SPOCK3: variants seen among roughly 807,000 people sequenced by gnomAD.
SPOCK3 encodes testican-3.
Under a neutral mutation model 56.6 loss-of-function variants are expected in SPOCK3, and 30 were observed. That is an observed-to-expected ratio of 0.53 (90% CI 0.40 to 0.72). The LOEUF (loss-of-function observed/expected upper bound fraction) is 0.72. SPOCK3 is among the 30% of genes least tolerant of loss of function. The pLI is 0.00. For synonymous variants in SPOCK3, 196 were observed against 183.3 expected (o/e 1.07, Z -0.56); for missense variants, 527 against 530.0 (o/e 0.99, Z 0.06).
intron 4 of SPOCK3, among the ~76,000 whole-genome samples, chr4:166,969,316 A>G (rs1418697085): frequency 6.6e-6 from 1 of 152,030 alleles, no homozygotes. Context: ...GAGTTTTTGG[A>G]GGGGCCAGTG....
At position 167,083,369 on chromosome 4, in the gene SPOCK3, G is replaced by A. The variant is rs537901084; in HGVS notation, c.190-20832C>T. ...ATTCTCTCTTGCTGCAGTGAATAAC[G>A]AATTCAACTTGCTCAACTCTAAGTG... On this transcript the variant is annotated intron_variant, in intron 2 of 10. Transcript: ENST00000357545. 6.8e-4 allele frequency: 516 copies of A among 757,958 alleles called. 2 individuals carry two copies. Among genetic ancestry groups the A allele is most frequent in the Non-Finnish European group, 2.7e-4 (112 of 412,404 alleles). The allele number at this position is 757,958 out of a possible 1,614,324, so 47.0% of individuals were successfully genotyped here.
At chr4:167,213,303 C>T (rs996362696) in intron 2 of SPOCK3, among the ~76,000 whole-genome samples, 1 of 152,106 alleles carries the variant, frequency 6.6e-6, no homozygotes, top group Non-Finnish European at 1.5e-5. Flanking sequence ...TTCTGTGTTA[C>T]GTGGAGCCAG....
At chr4:166,785,780 T>C (rs187544795) in intron 7 of SPOCK3, among the ~76,000 whole-genome samples, 11 of 152,286 alleles carry the variant, frequency 7.2e-5, no homozygotes, top group Admixed American at 7.2e-4. Context: ...CTTGCCCTTT[T>C]GGAAACTATG....
At chr4:166,877,117 G>A (rs1733178335) in intron 6 of SPOCK3, among the ~76,000 whole-genome samples, 1 of 152,036 alleles carries the variant, frequency 6.6e-6, no homozygotes, top group Non-Finnish European at 1.5e-5. Context: ...AATAAAACAG[G>A]ATTTAAAGGG....
intron 4 of SPOCK3, among the ~76,000 whole-genome samples, chr4:166,941,034 T>A: frequency 6.6e-6 from 1 of 152,014 alleles, no homozygotes; most frequent in East Asian, 2.0e-4. Flanking sequence ...GCACTTCTTT[T>A]GCTGTGCATC....
chr4:166,740,966 AT>A (rs1451376565), intron 9 of SPOCK3, among the ~76,000 whole-genome samples: 2 of 152,186 alleles, frequency 1.3e-5, no homozygotes, highest in Non-Finnish European at 2.9e-5. Context: ...TAAACTTTTA[AT>A]TTTGTACAAT....
At chr4:167,083,090 C>G (rs1757870494) in intron 2 of SPOCK3, 1 of 719,324 alleles carries the variant, frequency 1.4e-6, no homozygotes, top group Non-Finnish European at 2.5e-6. Context: ...ACCAAAGAGC[C>G]CCCCTCACAC....
At chr4:166,820,012 T>G (rs1263880858) in intron 6 of SPOCK3, among the ~76,000 whole-genome samples, 1 of 152,018 alleles carries the variant, frequency 6.6e-6, no homozygotes, top group African/African-American at 2.4e-5. Flanking sequence ...CATTAGCCAC[T>G]GTGCCCAGCC....
intron 6 of SPOCK3, among the ~76,000 whole-genome samples, chr4:166,841,162 T>A (rs1184566968): frequency 6.6e-6 from 1 of 152,094 alleles, no homozygotes; most frequent in Non-Finnish European, 1.5e-5. Flanking sequence ...GAAGTTTACC[T>A]CTTCAATTAT....
chr4:166,912,771 G>A (rs778326937), intron 4 of SPOCK3, 28 bp from the exon 5 acceptor site: 4 of 1,568,810 alleles, frequency 2.5e-6, no homozygotes, highest in Non-Finnish European at 3.4e-6. Flanking sequence ...CAAGCATATT[G>A]AGCATATTTA....
chr4:167,228,305 T>G (rs1011421075), intron 2 of SPOCK3, among the ~76,000 whole-genome samples: 11 of 152,166 alleles, frequency 7.2e-5, no homozygotes, highest in Non-Finnish European at 1.5e-4. Context: ...ACAACATACA[T>G]AGAGTAATTT....
At chr4:166,934,323 A>G (rs1204961915) in intron 4 of SPOCK3, among the ~76,000 whole-genome samples, 3 of 113,644 alleles carry the variant, frequency 2.6e-5, no homozygotes, top group Non-Finnish European at 5.7e-5. Flanking sequence ...CCCCCTCTTT[A>G]CTAAAAATAC....
chr4:166,981,201 T>C (rs777431153), intron 4 of SPOCK3, among the ~76,000 whole-genome samples: 3 of 151,102 alleles, frequency 2.0e-5, no homozygotes, highest in Non-Finnish European at 4.4e-5. Flanking sequence ...TCCGTGAGTG[T>C]CCAGGTCTCG....
At chr4:167,104,459 G>C (rs966135593) in intron 2 of SPOCK3, among the ~76,000 whole-genome samples, 3 of 152,134 alleles carry the variant, frequency 2.0e-5, no homozygotes, top group Non-Finnish European at 4.4e-5. Flanking sequence ...CAATGTATCA[G>C]AGTCTCTCAG....
intron 2 of SPOCK3, among the ~76,000 whole-genome samples, chr4:167,160,307 G>T (rs377532750): frequency 1.2e-4 from 19 of 152,062 alleles, no homozygotes; most frequent in East Asian, 5.8e-4. Context: ...TCAAAGAGAA[G>T]AAAATACCTA....
At chr4:167,135,575 A>G (rs1763043512) in intron 2 of SPOCK3, among the ~76,000 whole-genome samples, 1 of 152,094 alleles carries the variant, frequency 6.6e-6, no homozygotes, top group Non-Finnish European at 1.5e-5. Context: ...TATGAGTCAT[A>G]TTGGAAGTGT....
intron 7 of SPOCK3, among the ~76,000 whole-genome samples, chr4:166,776,778 A>C (rs1428939641): frequency 6.6e-6 from 1 of 152,180 alleles, no homozygotes; most frequent in Non-Finnish European, 1.5e-5. Flanking sequence ...TGTAAAAAGA[A>C]AGAAATATAA....
chr4:166,847,647 T>TATATATATATA lies in SPOCK3; in HGVS notation c.589+41482_589+41483insTATATATATAT, dbSNP rs1748203803. On this transcript the variant is annotated intron_variant, in intron 6 of 10. Transcript: ENST00000357545. ...CACAATTCAAAAGGAAAATCCTAGT[T>TATATATATATA]TATATATATATATATATATATATAT... Among the ~76,000 whole-genome samples the TATATATATATA allele has an allele frequency of 2.0e-4, 11 of 55,406 alleles. 1 individual carries two copies. The South Asian group carries it at 3.2e-3, about 16-fold the overall frequency. 36.3% of individuals were successfully genotyped at this position (55,406 alleles called of 152,430 possible).
intron 6 of SPOCK3, among the ~76,000 whole-genome samples, chr4:166,841,443 G>GA (rs1276840493): frequency 6.6e-6 from 1 of 151,824 alleles, no homozygotes. Flanking sequence ...CTTAAAGTAA[G>GA]AAAAAAAGAT....
Sources: gnomAD v4.1 joint callset for allele counts (sites outside exome capture counted in the v4.1 genomes callset) on GRCh38, gnomAD v4.1.1 for gene constraint, MANE v1.5 for transcripts, NCBI Gene and HGNC (gene_info 2026-07-23, HGNC 2026-07-21) for gene names.